Variants in XYLT1 observed in about 807,000 individuals in gnomAD.
XYLT1 encodes xylosyltransferase 1.
In XYLT1, 36 loss-of-function variants were observed where a neutral mutation model predicts 91.3. The ratio of observed to expected loss-of-function variants is 0.39; its 90% CI spans 0.30 to 0.52. XYLT1 has a LOEUF of 0.52. XYLT1 is among the 20% of genes least tolerant of loss of function. The pLI is 0.68. For missense variants in XYLT1, 1,242 were observed against 1,284.5 expected, an observed-to-expected ratio of 0.97 and a Z score of 0.51; for synonymous variants, 588 against 532.0, an observed-to-expected ratio of 1.11 and a Z score of -1.45.
chr16:17,247,109 A>C (rs925239261), intron 3 of XYLT1, among the ~76,000 whole-genome samples: 4 of 151,470 alleles, frequency 2.6e-5, no homozygotes, highest in Admixed American at 2.6e-4. Context: ...GAAAGGAGAG[A>C]TAGCTAGTCT....
At chr16:17,358,129 CCTTTT>C in intron 1 of XYLT1, 79 bp from the exon 2 acceptor site, 10 of 1,306,818 alleles carry the variant, frequency 7.7e-6, no homozygotes, top group African/African-American at 3.2e-5. Flanking sequence ...TTCTTTCTTT[CCTTTT>C]TTTTTTTTTT....
intron 10 of XYLT1, 105 bp downstream of exon 10, chr16:17,127,556 TCCAAG>T (rs2030303016): frequency 7.6e-7 from 1 of 1,322,292 alleles, no homozygotes. Flanking sequence ...TTTAGGGATC[TCCAAG>T]TCCTCTTCTC....
rs1384146925 is a variant in XYLT1 at position 17,104,307 on chromosome 16, C to G, written c.*4388G>C. On this transcript the variant is annotated 3_prime_UTR_variant, in exon 12 of 12. Transcript: ENST00000261381. The stretch of plus-strand genomic sequence containing the variant: ...TGATGGAGTCCCACAAGCTGTAGCC[C>G]CAGGCAGATGTGGACCTCTGCATAT... 1 of 152,328 alleles carries G rather than the reference C, an allele frequency of 6.6e-6. No individual in the cohort carries two copies. Among genetic ancestry groups the G allele is most frequent in the Non-Finnish European group, 1.5e-5 (1 of 68,114 alleles). The allele number at this position is 152,328 out of a possible 1,614,324, so 9.4% of individuals were successfully genotyped here. A position where few individuals can be genotyped will look rare whatever the true frequency, so the allele number is the denominator to read the frequency against.
chr16:17,380,347 C>T (rs2035664050), intron 1 of XYLT1, among the ~76,000 whole-genome samples: 1 of 151,978 alleles, frequency 6.6e-6, no homozygotes, highest in African/African-American at 2.4e-5. Flanking sequence ...CGAGATGTGC[C>T]CATTTAGCAG....
At chr16:17,405,706 G>A (rs1291329732) in intron 1 of XYLT1, among the ~76,000 whole-genome samples, 1 of 152,210 alleles carries the variant, frequency 6.6e-6, no homozygotes, top group Non-Finnish European at 1.5e-5. Context: ...GTCACCTGCA[G>A]AGGCTGAGAC....
rs188960968 is a variant in XYLT1, at chr16:17,262,137, A to G, written c.403-2639T>C. On this transcript the variant is annotated intron_variant, in intron 2 of 11. Coordinates refer to ENST00000261381, the MANE Select transcript of XYLT1 (RefSeq NM_022166.4). ...CAGGTATTACTTATAGGGTACTGAC[A>G]ATTGGATGTATTTATCTTGCCATTT... 3.4e-3 allele frequency among the ~76,000 whole-genome samples: 513 copies of G among 152,252 alleles called. 2 individuals are homozygous for G. Among genetic ancestry groups the G allele is most frequent in the Non-Finnish European group, 5.1e-3 (348 of 68,012 alleles).
intron 3 of XYLT1, among the ~76,000 whole-genome samples, chr16:17,202,739 T>C (rs989575344): frequency 2.0e-5 from 3 of 152,206 alleles, no homozygotes; most frequent in African/African-American, 7.2e-5. Context: ...TGCAATTGTT[T>C]ATCTGTTTAC....
At chr16:17,152,793 C>T (rs1396757115) in intron 6 of XYLT1, among the ~76,000 whole-genome samples, 2 of 152,182 alleles carry the variant, frequency 1.3e-5, no homozygotes, top group Non-Finnish European at 2.9e-5. Context: ...CACTTCTGAC[C>T]TGGGGCTGGA....
intron 2 of XYLT1, among the ~76,000 whole-genome samples, chr16:17,282,963 C>CCT (rs2034079587): frequency 6.6e-6 from 1 of 151,836 alleles, no homozygotes. Context: ...ATAAGTCACC[C>CCT]CCCCCAAGTC....
chr16:17,257,989 C>T (rs2033662357), intron 3 of XYLT1, among the ~76,000 whole-genome samples: 1 of 152,276 alleles, frequency 6.6e-6, no homozygotes, highest in Non-Finnish European at 1.5e-5. Flanking sequence ...AACTGGACTC[C>T]CCATCTTCAG....
chr16:17,380,571 T>C (rs1567401873), intron 1 of XYLT1, among the ~76,000 whole-genome samples: 1 of 152,194 alleles, frequency 6.6e-6, no homozygotes, highest in Non-Finnish European at 1.5e-5. Context: ...GATGGAGGGA[T>C]AATAAGGTGG....
intron 8 of XYLT1, among the ~76,000 whole-genome samples, chr16:17,136,636 C>CCT (rs1444048282): frequency 6.6e-6 from 1 of 152,164 alleles, no homozygotes; most frequent in Non-Finnish European, 1.5e-5. Flanking sequence ...AGAACAAACT[C>CCT]CTTTCTCTGC....
intron 5 of XYLT1, among the ~76,000 whole-genome samples, chr16:17,184,002 T>A (rs972423624): frequency 6.6e-6 from 1 of 151,968 alleles, no homozygotes; most frequent in African/African-American, 2.4e-5. Context: ...TTGAAAAGAA[T>A]CTTCACCTGC....
intron 2 of XYLT1, chr16:17,338,243 C>A (rs1285925133): frequency 2.2e-6 from 1 of 456,420 alleles, no homozygotes; most frequent in East Asian, 6.9e-5. Context: ...GAGTGATCAT[C>A]TCAAACTGAT....
rs1041827219 is a variant in XYLT1 at position 17,387,895 on chromosome 16, T to C, written c.364-29845A>G. ...GAATACACAAGTGCATAAAAAACAG[T>C]GATATTGCATGAGTTTCTCTTTTCC... On this transcript the variant is annotated intron_variant, in intron 1 of 11. Coordinates refer to ENST00000261381, the MANE Select transcript of XYLT1 (RefSeq NM_022166.4). Among the ~76,000 whole-genome samples, 10 of 152,170 alleles carry C rather than the reference T, an allele frequency of 6.6e-5. No homozygotes were observed. The East Asian group carries it at 1.7e-3, about 26-fold the overall frequency.
intron 2 of XYLT1, among the ~76,000 whole-genome samples, chr16:17,354,143 G>A (rs59587833): frequency 0.1 from 15,439 of 152,102 alleles, 855 homozygotes; most frequent in Middle Eastern, 0.14. Context: ...TTCGCTGGCA[G>A]TCACCATCTG....
In XYLT1 at chr16:17,102,995, C is replaced by T. The variant is rs1311395827; in HGVS notation, c.*5700G>A. ...CAAAAGGACTACAAAGACAATTGCG[C>T]ACAATTCCAGTGAATTTCCTATGAA... On this transcript the variant is annotated 3_prime_UTR_variant, in exon 12 of 12. Transcript: ENST00000261381. 1 of 151,568 alleles carries T rather than the reference C, an allele frequency of 6.6e-6. No individual in the cohort carries two copies. Among genetic ancestry groups the T allele is most frequent in the African/African-American group, 2.4e-5 (1 of 41,134 alleles). 9.4% of individuals were successfully genotyped at this position (151,568 alleles called of 1,614,324 possible). A position where few individuals can be genotyped will look rare whatever the true frequency, so the allele number is the denominator to read the frequency against.
chr16:17,311,011 C>A (rs1363118476), intron 2 of XYLT1, among the ~76,000 whole-genome samples: 4 of 152,204 alleles, frequency 2.6e-5, no homozygotes, highest in African/African-American at 9.6e-5. Flanking sequence ...GAACTTCCTT[C>A]TGCCTCCTTT....
intron 4 of XYLT1, among the ~76,000 whole-genome samples, chr16:17,199,297 G>A (rs926680274): frequency 1.3e-5 from 2 of 152,166 alleles, no homozygotes; most frequent in Non-Finnish European, 2.9e-5. Flanking sequence ...AAGGTAGCTC[G>A]GGAGTCAGCA....
Sources: allele counts gnomAD v4.1 joint callset (sites outside exome capture counted in the v4.1 genomes callset), GRCh38; gene constraint gnomAD v4.1.1; transcripts MANE v1.5; gene names NCBI Gene and HGNC (gene_info 2026-07-23, HGNC 2026-07-21).